Variants in CDH20 observed in about 807,000 individuals in gnomAD.
CDH20 encodes cadherin-20.
In CDH20, 29 loss-of-function variants were observed where a neutral mutation model predicts 74.2. The ratio of observed to expected loss-of-function variants is 0.39; its 90% CI spans 0.29 to 0.53. CDH20 has a LOEUF of 0.53. CDH20 is among the 20% of genes least tolerant of loss of function. The pLI is 0.69. For synonymous variants in CDH20, 469 were observed against 405.4 expected (o/e 1.16, Z -1.88); for missense variants, 988 against 1,048.3 (o/e 0.94, Z 0.79).
chr18:61,442,686 G>T (rs756154955), intron 1 of CDH20, among the ~76,000 whole-genome samples: 1 of 152,188 alleles, frequency 6.6e-6, no homozygotes, highest in Non-Finnish European at 1.5e-5. Context: ...TGTAAAATTT[G>T]TAAGGATTAG....
At chr18:61,523,253 C>CA (rs1220163445) in intron 6 of CDH20, among the ~76,000 whole-genome samples, 7 of 151,042 alleles carry the variant, frequency 4.6e-5, no homozygotes, top group African/African-American at 1.5e-4. Flanking sequence ...AAAAAGCGGG[C>CA]AAAGGATATG....
intron 7 of CDH20, 88 bp from the exon 8 acceptor site, chr18:61,536,405 C>G: frequency 9.9e-7 from 1 of 1,012,212 alleles, no homozygotes; most frequent in Non-Finnish European, 1.5e-6. Flanking sequence ...AACCATGTTT[C>G]ATATGGTAGG....
At chr18:61,394,174 A>G (rs897940254) in intron 1 of CDH20, among the ~76,000 whole-genome samples, 2 of 152,140 alleles carry the variant, frequency 1.3e-5, no homozygotes, top group Non-Finnish European at 2.9e-5. Context: ...AGTGCCTTGA[A>G]TGCTCAGGTG....
chr18:61,520,315 CAAAAAA>C (rs58685164), intron 6 of CDH20, among the ~76,000 whole-genome samples: 11 of 122,048 alleles, frequency 9.0e-5, no homozygotes, highest in African/African-American at 2.5e-4. Flanking sequence ...GACTCCGTCT[CAAAAAA>C]AAAAAAAAAA....
intron 1 of CDH20, among the ~76,000 whole-genome samples, chr18:61,458,900 ATTTCT>A (rs1201966030): frequency 6.6e-6 from 1 of 152,086 alleles, no homozygotes; most frequent in African/African-American, 2.4e-5. Context: ...TGGCTTGTTG[ATTTCT>A]TTTATTATCC....
rs772964111 is a variant in CDH20 at position 61,554,743 on chromosome 18, G to A, written c.*48G>A. ...CGTCCAAATCCAGACGTTCTCCGCG[G>A]GTGCTTCGCGGACAAGGTGCAGCCA... On this transcript the variant is annotated 3_prime_UTR_variant, in exon 12 of 12. Transcript: ENST00000262717. The A allele has an allele frequency of 6.7e-7, 1 of 1,485,702 alleles. No homozygotes were observed. Among genetic ancestry groups the A allele is most frequent in the South Asian group, 1.3e-5 (1 of 75,540 alleles). 92.0% of individuals were successfully genotyped at this position (1,485,702 alleles called of 1,614,324 possible).
rs1912506600 is a variant in CDH20, at chr18:61,528,212, C to A, written c.1263C>A (p.Asn421Lys). ...ISAKDPDVTN[N>K]SIRYSIDRSS... Reference sequence around the variant, plus strand: ...CCAAGGACCCAGATGTGACCAACAACTCAATCAGGTTTTTCCACAGATTTC... The same window carrying A: ...CCAAGGACCCAGATGTGACCAACAAATCAATCAGGTTTTTCCACAGATTTC... Residue 421 changes from asparagine (N) to lysine (K), a missense_variant, in exon 7 of 12, where the codon AAC becomes AAA. Transcript: ENST00000262717. The A allele has an allele frequency of 6.2e-7, 1 of 1,613,990 alleles. No individual in the cohort carries two copies. The highest frequency in any genetic ancestry group is 2.2e-5 in the East Asian group (1 of 44,880).
intron 1 of CDH20, among the ~76,000 whole-genome samples, chr18:61,364,609 G>T (rs1020385670): frequency 6.6e-6 from 1 of 152,156 alleles, no homozygotes; most frequent in Non-Finnish European, 1.5e-5. Flanking sequence ...ACTGTGCCCA[G>T]CTGTGAGTTC....
At chr18:61,376,623 A>T (rs918759324) in intron 1 of CDH20, among the ~76,000 whole-genome samples, 1 of 151,314 alleles carries the variant, frequency 6.6e-6, no homozygotes, top group African/African-American at 2.4e-5. Context: ...AAGAGAAAAT[A>T]AAAATAAACA....
At chr18:61,463,780 G>A (rs572121499) in intron 1 of CDH20, among the ~76,000 whole-genome samples, 3 of 152,158 alleles carry the variant, frequency 2.0e-5, no homozygotes, top group African/African-American at 7.2e-5. Flanking sequence ...TCCTCACTCT[G>A]TCCAGGGGTG....
At chr18:61,523,996 C>A (rs1463434015) in intron 6 of CDH20, among the ~76,000 whole-genome samples, 1 of 151,982 alleles carries the variant, frequency 6.6e-6, no homozygotes, top group Non-Finnish European at 1.5e-5. Flanking sequence ...ACCACCATGG[C>A]ACAGGTATAC....
rs115220747 is a variant in CDH20, at chr18:61,481,174, A to G, written c.-152-9228A>G. On this transcript the variant is annotated intron_variant, in intron 1 of 11. Transcript: ENST00000262717. ...CCCATGTCTTCAAAGAGCTTACAATATGGAGAAAAAACAGACAAGTAAATA... is the reference window on the plus strand; with the variant it reads ...CCCATGTCTTCAAAGAGCTTACAATGTGGAGAAAAAACAGACAAGTAAATA... Among the ~76,000 whole-genome samples the G allele has an allele frequency of 1.5e-3, 225 of 152,350 alleles. 1 individual carries two copies. The highest frequency in any genetic ancestry group is 5.2e-3 in the African/African-American group (218 of 41,592).
At chr18:61,340,378 C>G (rs1216578342) in intron 1 of CDH20, among the ~76,000 whole-genome samples, 1 of 152,060 alleles carries the variant, frequency 6.6e-6, no homozygotes, top group Admixed American at 6.6e-5. Flanking sequence ...TCAATTACCA[C>G]TTGTTCCCAG....
intron 6 of CDH20, among the ~76,000 whole-genome samples, chr18:61,516,883 T>G (rs773841360): frequency 7.9e-5 from 12 of 152,174 alleles, no homozygotes; most frequent in Non-Finnish European, 7.4e-5. Flanking sequence ...ATAATAAAGT[T>G]TAGACAATTG....
intron 9 of CDH20, 80 bp from the exon 10 acceptor site, chr18:61,544,947 T>C: frequency 1.1e-6 from 1 of 891,162 alleles, no homozygotes; most frequent in Non-Finnish European, 1.9e-6. Context: ...CACCATCGCG[T>C]TTCCGGGTTT....
chr18:61,553,792 A>G (rs923930299), intron 11 of CDH20, among the ~76,000 whole-genome samples: 2 of 150,446 alleles, frequency 1.3e-5, no homozygotes, highest in South Asian at 2.1e-4. Flanking sequence ...GGATAAATGT[A>G]TATTTTTCAT....
intron 1 of CDH20, among the ~76,000 whole-genome samples, chr18:61,390,327 A>T (rs969478185): frequency 1.2e-4 from 18 of 152,354 alleles, no homozygotes; most frequent in African/African-American, 3.4e-4. Context: ...GTCACAATAT[A>T]TGCCAAATTT....
chr18:61,520,280 C>G (rs2144356390), intron 6 of CDH20, among the ~76,000 whole-genome samples: 1 of 139,394 alleles, frequency 7.2e-6, no homozygotes, highest in East Asian at 2.3e-4. Context: ...CGTGCCACTG[C>G]ACTCCAGCCT....
Position 61,528,296 on chromosome 18 carries a change from T to C in CDH20, c.1271+76T>C. The C allele has an allele frequency of 2.1e-6, 3 of 1,451,064 alleles. No homozygotes were observed. In the South Asian group the frequency reaches 3.8e-5, roughly 19 times the overall value. The allele number at this position is 1,451,064 out of a possible 1,614,324, so 89.9% of individuals were successfully genotyped here. On this transcript the variant is annotated intron_variant, in intron 7 of 11. Coordinates refer to ENST00000262717, the MANE Select transcript of CDH20 (RefSeq NM_031891.4). Reference sequence around the variant, plus strand: ...CTTGTATGTAATTTTCTAGCACTTTTCCCTTTGTTTCTTTCTTCTCTATCC... The same window carrying C: ...CTTGTATGTAATTTTCTAGCACTTTCCCCTTTGTTTCTTTCTTCTCTATCC...
Sources: allele counts gnomAD v4.1 joint callset (sites outside exome capture counted in the v4.1 genomes callset), GRCh38; gene constraint gnomAD v4.1.1; transcripts MANE v1.5; gene names NCBI Gene and HGNC (gene_info 2026-07-23, HGNC 2026-07-21).